The following USP37 variants were observed in gnomAD, a reference collection of about 807,000 sequenced individuals.
USP37 encodes ubiquitin carboxyl-terminal hydrolase 37.
Under a neutral mutation model 124.0 loss-of-function variants are expected in USP37, and 27 were observed. The observed-to-expected ratio is 0.22, with a 90% CI of 0.16 to 0.30. The LOEUF (loss-of-function observed/expected upper bound fraction) is 0.30. USP37 is among the 10% of genes least tolerant of loss of function. The pLI is 1.00. For synonymous variants in USP37, 365 were observed against 388.0 expected, an observed-to-expected ratio of 0.94 and a Z score of 0.70; for missense variants, 889 against 1,140.4, an observed-to-expected ratio of 0.78 and a Z score of 3.17.
chr2:218,530,453 T>C (rs978544167), intron 9 of USP37, among the ~76,000 whole-genome samples: 2 of 152,228 alleles, frequency 1.3e-5, no homozygotes, highest in African/African-American at 4.8e-5. Context: ...TGCACCCATA[T>C]AAGACGGCAA....
chr2:218,478,571 G>A (rs2105971808), intron 18 of USP37, among the ~76,000 whole-genome samples: 1 of 152,228 alleles, frequency 6.6e-6, no homozygotes, highest in Middle Eastern at 3.4e-3. Context: ...TTTCATACCA[G>A]CAGACCCTGG....
chr2:218,495,282 T>C (rs529486583), intron 14 of USP37, among the ~76,000 whole-genome samples: 7 of 152,228 alleles, frequency 4.6e-5, no homozygotes, highest in Admixed American at 3.9e-4. Context: ...GCTGGGATTA[T>C]AGGTGTGCAT....
Position 218,558,523 on chromosome 2 carries a change from G to A in USP37, c.131C>T (p.Thr44Ile), listed in dbSNP as rs112115636. 1 of 1,612,420 alleles carries A rather than the reference G, an allele frequency of 6.2e-7. No homozygotes were observed. Among genetic ancestry groups the A allele is most frequent in the East Asian group, 2.2e-5 (1 of 44,778 alleles). Reference sequence around the variant, plus strand: ...CTGAAATATCCTTGGAATTCCTCCAGTATTGTAGTGAACTACTAGGCTGAC... The same window carrying A: ...CTGAAATATCCTTGGAATTCCTCCAATATTGTAGTGAACTACTAGGCTGAC... ...NKVSLVVHYN[T>I]GGIPRIFQLS... Residue 44 changes from threonine (T) to isoleucine (I), a missense_variant, in exon 4 of 26, where the codon ACT (threonine) becomes ATT (isoleucine). By Grantham distance (89) the Thr-to-Ile change is moderately conservative. This residue lies in a region of USP37 where 374 missense variants were observed against 386.0 expected (regional missense o/e 0.97). Coordinates refer to ENST00000258399, the MANE Select transcript of USP37 (RefSeq NM_020935.3).
At chr2:218,552,254 G>A (rs1692707911) in intron 5 of USP37, among the ~76,000 whole-genome samples, 1 of 152,162 alleles carries the variant, frequency 6.6e-6, no homozygotes, top group Non-Finnish European at 1.5e-5. Flanking sequence ...AGGTAGTACT[G>A]CTACACCTTC....
At chr2:218,521,133 G>A (rs970066339) in intron 10 of USP37, among the ~76,000 whole-genome samples, 1 of 152,114 alleles carries the variant, frequency 6.6e-6, no homozygotes, top group African/African-American at 2.4e-5. Context: ...ATGATTCTAA[G>A]TTCCCTGTGG....
chr2:218,502,906 G>A (rs1476611576), intron 11 of USP37, among the ~76,000 whole-genome samples: 1 of 152,026 alleles, frequency 6.6e-6, no homozygotes, highest in Admixed American at 6.6e-5. Flanking sequence ...AGGGAAACAA[G>A]GTACATAATT....
chr2:218,466,257 T>C, intron 20 of USP37, 81 bp from the exon 21 acceptor site: 1 of 1,408,518 alleles, frequency 7.1e-7, no homozygotes, highest in Admixed American at 2.4e-5. Flanking sequence ...CTACTGTTCA[T>C]AAAGCAATTT....
chr2:218,500,304 G>T (rs1373754192), intron 11 of USP37, among the ~76,000 whole-genome samples: 1 of 152,076 alleles, frequency 6.6e-6, no homozygotes, highest in Admixed American at 6.6e-5. Context: ...CTGTTGCCCA[G>T]GCTGGAGTGC....
chr2:218,457,795 C>T (rs1245292082), intron 23 of USP37, among the ~76,000 whole-genome samples: 1 of 151,956 alleles, frequency 6.6e-6, no homozygotes, highest in Non-Finnish European at 1.5e-5. Flanking sequence ...CGCCTGTAAT[C>T]CCAGCACTTT....
chr2:218,500,194 C>T (rs1254839111), intron 11 of USP37, among the ~76,000 whole-genome samples: 1 of 152,180 alleles, frequency 6.6e-6, no homozygotes, highest in East Asian at 1.9e-4. Context: ...CATGCCTCAG[C>T]CTCCCAAATA....
chr2:218,541,535 T>A (rs1396030626), intron 8 of USP37, among the ~76,000 whole-genome samples: 1 of 152,096 alleles, frequency 6.6e-6, no homozygotes. Flanking sequence ...ATCCCTCAGA[T>A]GAAGATCTCG....
intron 21 of USP37, among the ~76,000 whole-genome samples, chr2:218,465,798 C>T (rs1051487415): frequency 8.5e-5 from 13 of 152,226 alleles, no homozygotes; most frequent in African/African-American, 3.1e-4. Flanking sequence ...TCAAGTGATC[C>T]GTCCGCCTCA....
intron 10 of USP37, among the ~76,000 whole-genome samples, chr2:218,525,408 C>T (rs1043634444): frequency 1.3e-5 from 2 of 152,168 alleles, no homozygotes; most frequent in Non-Finnish European, 2.9e-5. Context: ...CACCTGAGCC[C>T]AGGAGGCTGA....
At chr2:218,504,343 T>C (rs1689561472) in intron 11 of USP37, among the ~76,000 whole-genome samples, 1 of 152,218 alleles carries the variant, frequency 6.6e-6, no homozygotes, top group Non-Finnish European at 1.5e-5. Context: ...AGAGTTCAGT[T>C]TTGCTTTATG....
At chr2:218,504,537 A>G (rs1401726990) in intron 11 of USP37, among the ~76,000 whole-genome samples, 1 of 152,008 alleles carries the variant, frequency 6.6e-6, no homozygotes, top group Non-Finnish European at 1.5e-5. Context: ...GCAATCCTCC[A>G]GCCTCAGTCT....
chr2:218,531,975 C>G (rs1031609484), intron 9 of USP37, among the ~76,000 whole-genome samples: 2 of 152,178 alleles, frequency 1.3e-5, no homozygotes, highest in African/African-American at 4.8e-5. Context: ...GTAAAGAAAC[C>G]ATGAATATTG....
chr2:218,497,883 A>G (rs1384789025), intron 12 of USP37, 26 bp from the exon 13 acceptor site: 1 of 1,608,644 alleles, frequency 6.2e-7, no homozygotes, highest in South Asian at 1.1e-5. Flanking sequence ...ACACAAAGTT[A>G]GCACGTTTTA....
intron 8 of USP37, among the ~76,000 whole-genome samples, chr2:218,539,557 A>G (rs1366434504): frequency 6.6e-6 from 1 of 151,808 alleles, no homozygotes; most frequent in Non-Finnish European, 1.5e-5. Context: ...TCTACAAAAA[A>G]TACAAAAATT....
chr2:218,483,005 G>T (rs1358460988), intron 16 of USP37, among the ~76,000 whole-genome samples: 1 of 152,028 alleles, frequency 6.6e-6, no homozygotes, highest in Non-Finnish European at 1.5e-5. Context: ...ACACAAAAAT[G>T]ATCTATAAAA....
Sources: gnomAD v4.1 joint callset for allele counts (sites outside exome capture counted in the v4.1 genomes callset) on GRCh38, gnomAD v4.1.1 for gene constraint, gnomAD v4.1.1 regional missense constraint, MANE v1.5 for transcripts, NCBI Gene and HGNC (gene_info 2026-07-23, HGNC 2026-07-21) for gene names.